DNAJC1: variants seen among roughly 807,000 people sequenced by gnomAD.
The protein encoded by DNAJC1 is dnaJ homolog subfamily C member 1.
A neutral mutation model predicts 76.6 loss-of-function variants in DNAJC1; 58 were observed. The ratio of observed to expected loss-of-function variants is 0.76; its 90% confidence interval spans 0.61 to 0.94. The LOEUF (loss-of-function observed/expected upper bound fraction) is 0.94. Among genes scored for constraint, DNAJC1 ranks in the 40% least tolerant of loss-of-function variants. The pLI is 0.00. For synonymous variants in DNAJC1, 258 were observed against 267.9 expected (o/e 0.96, Z 0.36); for missense variants, 689 against 677.3 (o/e 1.02, Z -0.19).
At chr10:21,899,602 C>T (rs66954116) in intron 7 of DNAJC1, among the ~76,000 whole-genome samples, 11,006 of 152,226 alleles carry the variant, frequency 0.072, 959 homozygotes, top group African/African-American at 0.21. Context: ...CTTCTTTAAG[C>T]GGGACCCCAA....
intron 8 of DNAJC1, among the ~76,000 whole-genome samples, chr10:21,811,582 T>A (rs1800127127): frequency 6.6e-6 from 1 of 152,182 alleles, no homozygotes; most frequent in African/African-American, 2.4e-5. Context: ...AAACTTTTAG[T>A]CTTTTAAAGA....
At chr10:21,792,364 G>A (rs995997432) in intron 9 of DNAJC1, among the ~76,000 whole-genome samples, 1 of 152,138 alleles carries the variant, frequency 6.6e-6, no homozygotes, top group Non-Finnish European at 1.5e-5. Context: ...TTTATTCTAT[G>A]AGGCTAGCAT....
chr10:21,996,184 G>A (rs1169492540), intron 1 of DNAJC1, among the ~76,000 whole-genome samples: 4 of 152,090 alleles, frequency 2.6e-5, no homozygotes, highest in African/African-American at 9.7e-5. Context: ...CTGTAAGAAA[G>A]GCTTTGGAAT....
chr10:21,928,052 T>C (rs1837157674), intron 3 of DNAJC1, among the ~76,000 whole-genome samples: 1 of 152,218 alleles, frequency 6.6e-6, no homozygotes, highest in Non-Finnish European at 1.5e-5. Flanking sequence ...TGGGTTATTC[T>C]GAGAGTGAGG....
chr10:21,876,842 T>C (rs1836196663), intron 8 of DNAJC1, among the ~76,000 whole-genome samples: 1 of 152,198 alleles, frequency 6.6e-6, no homozygotes, highest in Non-Finnish European at 1.5e-5. Context: ...TGGAGAACTT[T>C]TGGAACAAAA....
At chr10:21,803,975 T>C (rs1403645698) in intron 9 of DNAJC1, 6 of 984,774 alleles carry the variant, frequency 6.1e-6, no homozygotes, top group Non-Finnish European at 6.0e-6. Flanking sequence ...TCATTCTGCC[T>C]TGGGTAAGTC....
At chr10:21,925,386 G>C (rs575007626) in intron 3 of DNAJC1, among the ~76,000 whole-genome samples, 1 of 152,222 alleles carries the variant, frequency 6.6e-6, no homozygotes, top group African/African-American at 2.4e-5. Flanking sequence ...TGCTATATAT[G>C]TTCTTGGGGG....
chr10:21,964,463 T>C (rs892125967), intron 1 of DNAJC1, among the ~76,000 whole-genome samples: 5 of 152,312 alleles, frequency 3.3e-5, no homozygotes, highest in African/African-American at 1.2e-4. Context: ...CTGCCAGCCT[T>C]GGTCTCCCAC....
chr10:21,975,347 G>C (rs536779903), intron 1 of DNAJC1, among the ~76,000 whole-genome samples: 2 of 152,178 alleles, frequency 1.3e-5, no homozygotes, highest in Non-Finnish European at 2.9e-5. Context: ...ATGAGAAAGA[G>C]AGTGAGAGAG....
chr10:21,871,645 G>A (rs963712998), intron 8 of DNAJC1, among the ~76,000 whole-genome samples: 10 of 151,874 alleles, frequency 6.6e-5, no homozygotes, highest in African/African-American at 7.3e-5. Flanking sequence ...TCTAATTTTC[G>A]TTATTATTAT....
At chr10:21,930,681 G>C (rs111692290) in intron 1 of DNAJC1, among the ~76,000 whole-genome samples, 3,275 of 152,142 alleles carry the variant, frequency 0.022, 102 homozygotes, top group African/African-American at 0.074. Flanking sequence ...AGTACTGCAG[G>C]TAACATGGTT....
chr10:21,991,815 C>T (rs1234657325), intron 1 of DNAJC1, among the ~76,000 whole-genome samples: 4 of 152,128 alleles, frequency 2.6e-5, no homozygotes, highest in Non-Finnish European at 5.9e-5. Context: ...TGATATTCTA[C>T]TGAGTTACTG....
chr10:21,765,544 G>C (rs754827197), intron 10 of DNAJC1, among the ~76,000 whole-genome samples: 6 of 152,112 alleles, frequency 3.9e-5, no homozygotes, highest in Non-Finnish European at 7.4e-5. Context: ...GGAGGAAATT[G>C]ATTTTAAGAA....
chr10:21,962,600 C>T (rs1294027210), intron 1 of DNAJC1, among the ~76,000 whole-genome samples: 9 of 149,094 alleles, frequency 6.0e-5, no homozygotes, highest in Non-Finnish European at 5.9e-5. Context: ...CCTGAGTAGC[C>T]GGGACCACAG....
Position 21,762,998 on chromosome 10 carries a change from T to G in DNAJC1, c.1147+3263A>C, listed in dbSNP as rs577294852. Among the ~76,000 whole-genome samples, 392 of 152,338 alleles carry G rather than the reference T, an allele frequency of 2.6e-3. 8 individuals are homozygous for G. The South Asian group carries it at 0.04, about 15-fold the overall frequency. ...AGGCTGGAAGTTCAGTGGCATGATC[T>G]CGGCTCACTGCAACCTCTGCCTCCC... On this transcript the variant is annotated intron_variant, in intron 10 of 11. Coordinates refer to ENST00000376980, the MANE Select transcript of DNAJC1 (RefSeq NM_022365.4).
chr10:21,939,858 C>G (rs1014050127), intron 1 of DNAJC1, among the ~76,000 whole-genome samples: 1 of 150,662 alleles, frequency 6.6e-6, no homozygotes, highest in Non-Finnish European at 1.5e-5. Flanking sequence ...TAAACTCTTA[C>G]TAATGACTTT....
At chr10:21,812,342 C>A (rs985677764) in intron 8 of DNAJC1, among the ~76,000 whole-genome samples, 1 of 152,150 alleles carries the variant, frequency 6.6e-6, no homozygotes, top group African/African-American at 2.4e-5. Context: ...CAGGTGTGAG[C>A]CACTGCGCCC....
At chr10:21,852,651 T>C (rs957817542) in intron 8 of DNAJC1, among the ~76,000 whole-genome samples, 3 of 152,158 alleles carry the variant, frequency 2.0e-5, no homozygotes, top group African/African-American at 7.2e-5. Flanking sequence ...TACAATTACT[T>C]GGGAAGACTG....
At chr10:21,780,666 G>A (rs1472976027) in intron 9 of DNAJC1, among the ~76,000 whole-genome samples, 1 of 152,186 alleles carries the variant, frequency 6.6e-6, no homozygotes, top group Non-Finnish European at 1.5e-5. Context: ...GACCATTGAT[G>A]CTAGGAAGAA....
Sources: gnomAD v4.1 joint callset for allele counts (sites outside exome capture counted in the v4.1 genomes callset) on GRCh38, gnomAD v4.1.1 for gene constraint, MANE v1.5 for transcripts, NCBI Gene and HGNC (gene_info 2026-07-23, HGNC 2026-07-21) for gene names.